MTHFD2L: variants seen among roughly 807,000 people sequenced by gnomAD.
The protein encoded by MTHFD2L is methylenetetrahydrofolate dehydrogenase (NADP+ dependent) 2 like, also known as bifunctional methylenetetrahydrofolate dehydrogenase/cyclohydrolase 2, mitochondrial.
Under a neutral mutation model 34.9 loss-of-function variants are expected in MTHFD2L, and 29 were observed. That is an observed-to-expected ratio of 0.83 (90% confidence interval 0.62 to 1.13). MTHFD2L has a LOEUF of 1.13. Ranked by LOEUF, MTHFD2L falls within the 50% of genes most tolerant of loss-of-function variation. The pLI is 0.00. For synonymous variants in MTHFD2L, 167 were observed against 155.7 expected, an observed-to-expected ratio of 1.07 and a Z score of -0.54; for missense variants, 481 against 446.5, an observed-to-expected ratio of 1.08 and a Z score of -0.70.
intron 6 of MTHFD2L, among the ~76,000 whole-genome samples, chr4:74,229,416 AGG>A (rs1739670777): frequency 6.6e-6 from 1 of 152,162 alleles, no homozygotes; most frequent in African/African-American, 2.4e-5. Flanking sequence ...CAGAACGGGG[AGG>A]GCTAGATCAC....
chr4:74,150,116 G>C (rs1463976006), intron 1 of MTHFD2L, among the ~76,000 whole-genome samples: 2 of 152,156 alleles, frequency 1.3e-5, no homozygotes, highest in African/African-American at 4.8e-5. Context: ...TGGGTAGGTT[G>C]TCTACAGAAC....
At chr4:74,285,766 A>G (rs1288783760) in intron 7 of MTHFD2L, among the ~76,000 whole-genome samples, 1 of 152,168 alleles carries the variant, frequency 6.6e-6, no homozygotes, top group African/African-American at 2.4e-5. Flanking sequence ...GTCTTACACT[A>G]CTGTGAAAAC....
At chr4:74,254,249 T>C (rs1238216083) in intron 6 of MTHFD2L, among the ~76,000 whole-genome samples, 12 of 152,148 alleles carry the variant, frequency 7.9e-5, no homozygotes, top group Admixed American at 7.9e-4. Flanking sequence ...TTTTCAAATC[T>C]GCAGAGGGAA....
At chr4:74,218,846 A>G (rs964636189) in intron 5 of MTHFD2L, among the ~76,000 whole-genome samples, 23 of 152,066 alleles carry the variant, frequency 1.5e-4, no homozygotes, top group African/African-American at 5.6e-4. Context: ...CTACCTATTA[A>G]TTACTGATTT....
rs148797641 is a variant in MTHFD2L at position 74,257,942 on chromosome 4, T to C, written c.806-23483T>C. On this transcript the variant is annotated intron_variant, in intron 6 of 7. Transcript: ENST00000325278. ...GTGAGCAAAAGACTTGACTAGACAT[T>C]TCTCTAAAAAAGGCATACAAATGGC... Among the ~76,000 whole-genome samples, 523 of 152,088 alleles carry C rather than the reference T, an allele frequency of 3.4e-3. 6 individuals are homozygous for C. Among genetic ancestry groups the C allele is most frequent in the African/African-American group, 0.012 (483 of 41,512 alleles).
At chr4:74,121,738 T>C (rs985489013), upstream of MTHFD2L, among the ~76,000 whole-genome samples, 1 of 147,920 alleles carries the variant, frequency 6.8e-6, no homozygotes, top group Non-Finnish European at 1.5e-5. Flanking sequence ...TATAATTATA[T>C]ATTATAAATG....
At position 74,175,144 on chromosome 4, in the gene MTHFD2L, A is replaced by C. The variant is rs533773375; in HGVS notation, c.329-137A>C. 1.9e-4 allele frequency: 180 copies of C among 923,188 alleles called. No homozygotes were observed. In the African/African-American group the frequency reaches 2.3e-3, roughly 12 times the overall value. 57.2% of individuals were successfully genotyped at this position (923,188 alleles called of 1,614,324 possible). Reference sequence around the variant, plus strand: ...CAAGAGGAAACACCTGTACTATTGGAGAAATCCTTCCTGATGATGCATGGA... The same window carrying C: ...CAAGAGGAAACACCTGTACTATTGGCGAAATCCTTCCTGATGATGCATGGA... On this transcript the variant is annotated intron_variant, in intron 2 of 7. Coordinates refer to ENST00000325278, the MANE Select transcript of MTHFD2L (RefSeq NM_001144978.3).
At chr4:74,144,621 C>T (rs1160620143) in intron 1 of MTHFD2L, among the ~76,000 whole-genome samples, 1 of 152,156 alleles carries the variant, frequency 6.6e-6, no homozygotes, top group Non-Finnish European at 1.5e-5. Flanking sequence ...TTCATCAAAT[C>T]TGGAAAATAC....
At chr4:74,152,215 A>G (rs553750336) in intron 1 of MTHFD2L, among the ~76,000 whole-genome samples, 2 of 152,152 alleles carry the variant, frequency 1.3e-5, no homozygotes, top group Admixed American at 1.3e-4. Context: ...TAATAAAAAT[A>G]CCTGGGAAAT....
chr4:74,206,498 G>A (rs990409428), intron 5 of MTHFD2L, among the ~76,000 whole-genome samples: 6 of 152,140 alleles, frequency 3.9e-5, no homozygotes, highest in Non-Finnish European at 5.9e-5. Flanking sequence ...GATATGAGGG[G>A]AGTATATACT....
At chr4:74,179,887 C>T (rs1013357207) in intron 3 of MTHFD2L, among the ~76,000 whole-genome samples, 9 of 152,016 alleles carry the variant, frequency 5.9e-5, no homozygotes, top group African/African-American at 2.2e-4. Context: ...TTTCAGGTTG[C>T]GGTGTAACAG....
upstream of MTHFD2L, among the ~76,000 whole-genome samples, chr4:74,119,409 G>A (rs551839579): frequency 9.2e-5 from 14 of 152,306 alleles, no homozygotes; most frequent in South Asian, 2.9e-3. Context: ...TCACTGGAGA[G>A]TTTCTTTGAA....
chr4:74,298,981 ATAAT>A (rs1014028996), intron 7 of MTHFD2L, among the ~76,000 whole-genome samples: 2 of 152,004 alleles, frequency 1.3e-5, no homozygotes, highest in Admixed American at 6.6e-5. Context: ...TTAAAATGAA[ATAAT>A]TAAATATTAA....
intron 6 of MTHFD2L, among the ~76,000 whole-genome samples, chr4:74,243,938 A>T (rs1252097961): frequency 2.0e-5 from 3 of 152,144 alleles, no homozygotes; most frequent in Non-Finnish European, 4.4e-5. Flanking sequence ...TATAAATAAC[A>T]CTGCTCAATC....
intron 7 of MTHFD2L, among the ~76,000 whole-genome samples, chr4:74,295,921 C>G (rs1240414625): frequency 6.6e-6 from 1 of 152,176 alleles, no homozygotes; most frequent in Non-Finnish European, 1.5e-5. Context: ...CAGTGCTGTT[C>G]AGGCCCAGAT....
chr4:74,189,114 G>A (rs187905067), intron 3 of MTHFD2L, among the ~76,000 whole-genome samples: 5 of 151,936 alleles, frequency 3.3e-5, no homozygotes, highest in Non-Finnish European at 4.4e-5. Context: ...TTTGTTTGGG[G>A]TAGTAGATTT....
intron 1 of MTHFD2L, among the ~76,000 whole-genome samples, chr4:74,136,766 A>G (rs1010218099): frequency 5.3e-5 from 8 of 152,146 alleles, no homozygotes; most frequent in African/African-American, 1.9e-4. Context: ...GTACTGGCAT[A>G]AAAACAGACA....
chr4:74,251,238 T>A (rs1344059114), intron 6 of MTHFD2L, among the ~76,000 whole-genome samples: 3 of 152,200 alleles, frequency 2.0e-5, no homozygotes, highest in Non-Finnish European at 4.4e-5. Flanking sequence ...TTACAAGAAT[T>A]CAGTGTAATG....
chr4:74,120,145 C>T (rs988891422), upstream of MTHFD2L, among the ~76,000 whole-genome samples: 2 of 152,156 alleles, frequency 1.3e-5, no homozygotes, highest in South Asian at 4.1e-4. Flanking sequence ...TTGCCTGCTG[C>T]TAAGGGTATA....
Sources: allele counts gnomAD v4.1 joint callset (sites outside exome capture counted in the v4.1 genomes callset), GRCh38; gene constraint gnomAD v4.1.1; transcripts MANE v1.5; gene names NCBI Gene and HGNC (gene_info 2026-07-23, HGNC 2026-07-21).